ARHGEF37: variants seen among roughly 807,000 people sequenced by gnomAD.
ARHGEF37 encodes the protein Rho guanine nucleotide exchange factor 37, also known as Rho guanine nucleotide exchange factor (GEF) 37.
ARHGEF37 carries 55 observed loss-of-function variants against 71.1 expected under a neutral mutation model. That is an observed-to-expected ratio of 0.77 (90% confidence interval 0.62 to 0.97). The LOEUF is 0.97. Among genes scored for constraint, ARHGEF37 ranks in the 50% least tolerant of loss-of-function variants. The pLI is 0.00. For missense variants in ARHGEF37, 765 were observed against 836.8 expected, an observed-to-expected ratio of 0.91 and a Z score of 1.06; for synonymous variants, 327 against 350.6, an observed-to-expected ratio of 0.93 and a Z score of 0.75.
Position 149,598,346 on chromosome 5 carries a change from TCTTC to T in ARHGEF37, c.186+392_186+395del, listed in dbSNP as rs1763628592. The stretch of plus-strand genomic sequence containing the variant: ...TCTTCTTTCTTCCTCTTCCTCTTCC[TCTTC>T]TTCTTCCTCTTCCTCTTCTTCCTCT... On this transcript the variant is annotated intron_variant, in intron 2 of 12. Coordinates refer to ENST00000333677, the MANE Select transcript of ARHGEF37 (RefSeq NM_001001669.3). Among the ~76,000 whole-genome samples, 8 of 106,662 alleles carry T rather than the reference TCTTC, an allele frequency of 7.5e-5. No individual in the cohort carries two copies. The South Asian group carries it at 2.3e-3, about 30-fold the overall frequency. The allele number at this position is 106,662 out of a possible 152,430, so 70.0% of individuals were successfully genotyped here.
chr5:149,556,560 T>C (rs1762760542), intron 1 of ARHGEF37, among the ~76,000 whole-genome samples: 1 of 152,122 alleles, frequency 6.6e-6, no homozygotes, highest in East Asian at 1.9e-4. Context: ...GCTAATTTTG[T>C]ATTTTTAGTA....
chr5:149,562,659 G>T (rs1762848604), intron 1 of ARHGEF37, among the ~76,000 whole-genome samples: 1 of 152,092 alleles, frequency 6.6e-6, no homozygotes, highest in African/African-American at 2.4e-5. Flanking sequence ...TGTTAGCCAG[G>T]ATGGTCTTGA....
At chr5:149,595,171 TGTTC>T (rs1274741088) in intron 1 of ARHGEF37, among the ~76,000 whole-genome samples, 5 of 152,130 alleles carry the variant, frequency 3.3e-5, no homozygotes, top group African/African-American at 1.2e-4. Context: ...TGTTTTTGTT[TGTTC>T]GTTTGTTTGT....
At chr5:149,584,640 C>T (rs917704938) in intron 1 of ARHGEF37, among the ~76,000 whole-genome samples, 3 of 151,404 alleles carry the variant, frequency 2.0e-5, no homozygotes, top group Non-Finnish European at 4.4e-5. Flanking sequence ...GATGGAGTCT[C>T]GCTCTGTCGC....
intron 1 of ARHGEF37, among the ~76,000 whole-genome samples, chr5:149,566,191 T>C (rs1351035555): frequency 2.0e-5 from 3 of 151,554 alleles, no homozygotes; most frequent in Admixed American, 6.6e-5. Context: ...TTTAGACTCA[T>C]TGAACCTTCA....
At chr5:149,619,156 G>A (rs1752463839) in intron 7 of ARHGEF37, 114 bp downstream of exon 7, 1 of 806,930 alleles carries the variant, frequency 1.2e-6, no homozygotes, top group African/African-American at 1.7e-5. Context: ...AAACCAACCA[G>A]ATGAGGTCAT....
chr5:149,580,632 G>A (rs954693317), upstream of ARHGEF37, among the ~76,000 whole-genome samples: 1 of 152,142 alleles, frequency 6.6e-6, no homozygotes, highest in Non-Finnish European at 1.5e-5. Flanking sequence ...ATCTCTTAGA[G>A]AAATTGTGAA....
intron 1 of ARHGEF37, among the ~76,000 whole-genome samples, chr5:149,558,199 C>T (rs1041624367): frequency 3.3e-5 from 5 of 151,546 alleles, no homozygotes; most frequent in Non-Finnish European, 7.4e-5. Flanking sequence ...TCTTTTTTTA[C>T]GTTCTTAGAA....
chr5:149,631,879 G>A, intron 12 of ARHGEF37, 103 bp from the exon 13 acceptor site: 2 of 1,193,780 alleles, frequency 1.7e-6, no homozygotes, highest in Non-Finnish European at 2.4e-6. Context: ...CAGCAATGGG[G>A]ACGAGAGCCA....
At position 149,627,283 on chromosome 5, in the gene ARHGEF37, T is replaced by G. The variant is rs757274097; in HGVS notation, c.1660+12T>G. On this transcript the variant is annotated intron_variant, in intron 11 of 12. Transcript: ENST00000333677. ...GGTGGACACCGGGGGTACGTGAGCC[T>G]TTGGGAGCCCTTCTTCTCCTTCGGG... is the stretch of plus-strand genomic sequence containing the variant. 6.2e-7 allele frequency: 1 copy of G among 1,609,734 alleles called. No individual in the cohort carries two copies. Among genetic ancestry groups the G allele is most frequent in the Admixed American group, 1.7e-5 (1 of 59,798 alleles).
intron 3 of ARHGEF37, among the ~76,000 whole-genome samples, chr5:149,607,492 C>T (rs1580915716): frequency 6.6e-6 from 1 of 152,206 alleles, no homozygotes; most frequent in Admixed American, 6.5e-5. Flanking sequence ...CGTTTTAATT[C>T]ATGGCACTTA....
At chr5:149,553,357 G>A (rs980267714) in intron 1 of ARHGEF37, among the ~76,000 whole-genome samples, 58 of 152,002 alleles carry the variant, frequency 3.8e-4, no homozygotes, top group Admixed American at 2.6e-3. Flanking sequence ...CCGAGATCGT[G>A]CCACTGCACT....
intron 10 of ARHGEF37, among the ~76,000 whole-genome samples, chr5:149,625,118 G>A (rs1411941535): frequency 4.0e-5 from 6 of 151,852 alleles, no homozygotes; most frequent in Non-Finnish European, 8.8e-5. Flanking sequence ...GGCTGGTCTC[G>A]AACTCCTGCC....
intron 1 of ARHGEF37, among the ~76,000 whole-genome samples, chr5:149,564,549 G>T (rs1311185111): frequency 6.6e-6 from 1 of 152,196 alleles, no homozygotes; most frequent in African/African-American, 2.4e-5. Flanking sequence ...CCTCGGCCGG[G>T]CGCGGTGGCT....
intron 5 of ARHGEF37, among the ~76,000 whole-genome samples, chr5:149,617,750 G>A (rs571603047): frequency 6.6e-6 from 1 of 152,318 alleles, no homozygotes; most frequent in South Asian, 2.1e-4. Context: ...TCCTACGACA[G>A]ATCAGTAGGA....
intron 1 of ARHGEF37, among the ~76,000 whole-genome samples, chr5:149,594,858 A>G (rs1763502344): frequency 6.6e-6 from 1 of 152,216 alleles, no homozygotes; most frequent in Non-Finnish European, 1.5e-5. Context: ...GTACTTTTTT[A>G]AACAAAGTAT....
intron 1 of ARHGEF37, among the ~76,000 whole-genome samples, chr5:149,586,649 G>A (rs56203037): frequency 0.043 from 6,547 of 152,324 alleles, 483 homozygotes; most frequent in African/African-American, 0.15. Flanking sequence ...GAAAGGTGGT[G>A]GAGGTTTAGA....
At chr5:149,567,756 T>C (rs780685965) in intron 1 of ARHGEF37, among the ~76,000 whole-genome samples, 1 of 152,194 alleles carries the variant, frequency 6.6e-6, no homozygotes, top group Non-Finnish European at 1.5e-5. Context: ...CCTTAATTCT[T>C]TGACACTTTC....
At chr5:149,588,329 C>T (rs565447210) in intron 1 of ARHGEF37, among the ~76,000 whole-genome samples, 12 of 152,022 alleles carry the variant, frequency 7.9e-5, no homozygotes, top group East Asian at 1.9e-4. Context: ...AGAGTGCCTG[C>T]ACTCCATGCC....
Sources: gnomAD v4.1 joint callset for allele counts (sites outside exome capture counted in the v4.1 genomes callset) on GRCh38, gnomAD v4.1.1 for gene constraint, MANE v1.5 for transcripts, NCBI Gene and HGNC (gene_info 2026-07-23, HGNC 2026-07-21) for gene names.